Variants in CENPW observed in about 807,000 individuals in gnomAD.
CENPW encodes the protein cancer-up-regulated gene 2 protein.
A neutral mutation model predicts 11.1 loss-of-function variants in CENPW; 3 were observed. That is an observed-to-expected ratio of 0.27 (90% CI 0.12 to 0.70). The LOEUF is 0.70. Ranked by LOEUF, CENPW falls within the 30% of genes least tolerant of loss-of-function variation. CENPW has a pLI of 0.77. For missense variants in CENPW, 100 were observed against 105.6 expected (o/e 0.95, Z 0.23); for synonymous variants, 38 against 42.0 (o/e 0.91, Z 0.37).
intron 2 of CENPW, among the ~76,000 whole-genome samples, chr6:126,347,210 G>T (rs916022861): frequency 2.0e-5 from 3 of 152,088 alleles, no homozygotes; most frequent in Admixed American, 2.0e-4. Flanking sequence ...TAAGAAACTG[G>T]CAACCACAGT....
chr6:126,437,593 C>T, the CENPW span, among the ~76,000 whole-genome samples: 1 of 151,868 alleles, frequency 6.6e-6, no homozygotes, highest in African/African-American at 2.4e-5. Flanking sequence ...AGTTTATATA[C>T]TTACTGAGTA....
chr6:126,382,515 G>A, the CENPW span, among the ~76,000 whole-genome samples: 6 of 151,992 alleles, frequency 3.9e-5, no homozygotes, highest in Admixed American at 1.3e-4. Flanking sequence ...TTAGGAGAAC[G>A]TTGAAACCCA....
the CENPW span, among the ~76,000 whole-genome samples, chr6:126,482,594 C>A: frequency 6.6e-6 from 1 of 151,866 alleles, no homozygotes; most frequent in African/African-American, 2.4e-5. Flanking sequence ...TGACCCAGAA[C>A]CACTTATCAA....
At chr6:126,437,850 A>T in the CENPW span, among the ~76,000 whole-genome samples, 1 of 151,842 alleles carries the variant, frequency 6.6e-6, no homozygotes, top group Non-Finnish European at 1.5e-5. Flanking sequence ...ACAAAATGAA[A>T]TCAGTTGATA....
At chr6:126,389,173 C>T in the CENPW span, among the ~76,000 whole-genome samples, 2 of 151,918 alleles carry the variant, frequency 1.3e-5, no homozygotes, top group Admixed American at 6.6e-5. Flanking sequence ...CTGATGGACA[C>T]CAAGAATGCT....
the CENPW span, among the ~76,000 whole-genome samples, chr6:126,373,426 T>A: frequency 7.2e-5 from 11 of 152,234 alleles, no homozygotes; most frequent in African/African-American, 2.7e-4. Context: ...TTTGTGCTTC[T>A]AACATGACTG....
At chr6:126,457,878 A>G in the CENPW span, among the ~76,000 whole-genome samples, 1 of 151,326 alleles carries the variant, frequency 6.6e-6, no homozygotes, top group Non-Finnish European at 1.5e-5. Context: ...AGTCCCCCTC[A>G]TGGTAGAAGT....
At chr6:126,412,694 C>G in the CENPW span, among the ~76,000 whole-genome samples, 1 of 152,182 alleles carries the variant, frequency 6.6e-6, no homozygotes, top group South Asian at 2.1e-4. Flanking sequence ...CATTTATGCA[C>G]TGCCTACATT....
the CENPW span, among the ~76,000 whole-genome samples, chr6:126,407,650 CT>C: frequency 6.6e-6 from 1 of 152,128 alleles, no homozygotes; most frequent in African/African-American, 2.4e-5. Flanking sequence ...GATGGTATCT[CT>C]TTGTGGTTTT....
At chr6:126,387,405 G>T in the CENPW span, among the ~76,000 whole-genome samples, 1 of 151,916 alleles carries the variant, frequency 6.6e-6, no homozygotes, top group African/African-American at 2.4e-5. Flanking sequence ...CAATTTCACG[G>T]AGGAAAGTTG....
chr6:126,480,331 C>G, the CENPW span, among the ~76,000 whole-genome samples: 2 of 151,958 alleles, frequency 1.3e-5, no homozygotes, highest in Non-Finnish European at 2.9e-5. Context: ...GTGTTGTGGT[C>G]TATGAACATG....
chr6:126,342,684 A>T (rs987844714), intron 1 of CENPW, among the ~76,000 whole-genome samples: 2 of 152,026 alleles, frequency 1.3e-5, no homozygotes, highest in African/African-American at 4.8e-5. Context: ...GATCAATCTT[A>T]TCTTCTTCTC....
chr6:126,411,207 T>C, the CENPW span, among the ~76,000 whole-genome samples: 1 of 152,190 alleles, frequency 6.6e-6, no homozygotes, highest in African/African-American at 2.4e-5. Context: ...TGTTTCCAGA[T>C]AGGTGCAGTG....
chr6:126,377,448 C>T, the CENPW span, among the ~76,000 whole-genome samples: 1 of 152,082 alleles, frequency 6.6e-6, no homozygotes, highest in African/African-American at 2.4e-5. Context: ...GTATCACTGT[C>T]TACTTAATTT....
At chr6:126,395,683 G>A in the CENPW span, among the ~76,000 whole-genome samples, 1 of 151,938 alleles carries the variant, frequency 6.6e-6, no homozygotes, top group Non-Finnish European at 1.5e-5. Context: ...GTCTTTCTTG[G>A]GAAGACTTTC....
At chr6:126,391,052 T>TTC in the CENPW span, among the ~76,000 whole-genome samples, 3 of 148,154 alleles carry the variant, frequency 2.0e-5, no homozygotes, top group Non-Finnish European at 1.5e-5. Flanking sequence ...CTCCAAACTG[T>TTC]TCTCCATAGA....
the CENPW span, among the ~76,000 whole-genome samples, chr6:126,464,205 TA>T: frequency 6.6e-6 from 1 of 152,050 alleles, no homozygotes; most frequent in Admixed American, 6.6e-5. Flanking sequence ...TTAAAAATTA[TA>T]AAAAGGAAAC....
At chr6:126,392,521 T>G in the CENPW span, among the ~76,000 whole-genome samples, 1 of 151,962 alleles carries the variant, frequency 6.6e-6, no homozygotes, top group African/African-American at 2.4e-5. Context: ...TGAAGAGATG[T>G]TGAATTTTAT....
the CENPW span, among the ~76,000 whole-genome samples, chr6:126,430,917 C>T: frequency 1.3e-5 from 2 of 150,694 alleles, no homozygotes; most frequent in Non-Finnish European, 2.9e-5. Flanking sequence ...GAGACTCCAT[C>T]TCAAAAAAAA....
Sources: gnomAD v4.1 joint callset for allele counts (sites outside exome capture counted in the v4.1 genomes callset) on GRCh38, gnomAD v4.1.1 for gene constraint, MANE v1.5 for transcripts, NCBI Gene and HGNC (gene_info 2026-07-23, HGNC 2026-07-21) for gene names.